The following LRRC7 variants were observed in gnomAD, a reference collection of about 807,000 sequenced individuals.
The protein encoded by LRRC7 is leucine-rich repeat-containing protein 7.
Under a neutral mutation model 175.7 loss-of-function variants are expected in LRRC7, and 23 were observed. That is an observed-to-expected ratio of 0.13 (90% CI 0.09 to 0.19). The LOEUF (loss-of-function observed/expected upper bound fraction) is 0.19, where lower values mean the gene tolerates loss of function less well. Ranked by LOEUF, LRRC7 falls within the 10% of genes least tolerant of loss-of-function variation. The pLI, the probability that LRRC7 is intolerant of heterozygous loss-of-function variation, is 1.00. For synonymous variants in LRRC7, 685 were observed against 680.9 expected (o/e 1.01, Z -0.09); for missense variants, 1,354 against 1,904.7 (o/e 0.71, Z 5.38).
rs529601375 is a variant in LRRC7, at chr1:70,103,005, A to C, written c.4546-4747A>C. On this transcript the variant is annotated intron_variant, in intron 25 of 26. Coordinates refer to ENST00000651989, the MANE Select transcript of LRRC7 (RefSeq NM_001370785.2). ...GGACTTTGGGAGGCCGAGGTGGGCA[A>C]ATCACTTGAGTTTAGGAGTTCAAGA... 2.6e-5 allele frequency among the ~76,000 whole-genome samples: 4 copies of C among 152,112 alleles called. No homozygotes were observed. In the East Asian group the frequency reaches 7.8e-4, roughly 30 times the overall value.
chr1:70,095,971 GT>G (rs202014971), intron 25 of LRRC7, among the ~76,000 whole-genome samples: 12 of 149,614 alleles, frequency 8.0e-5, no homozygotes, highest in Non-Finnish European at 1.5e-4. Context: ...TGTTTTTTTT[GT>G]TTTTTTTTGT....
intron 3 of LRRC7, among the ~76,000 whole-genome samples, chr1:69,762,810 A>T (rs912125891): frequency 1.8e-4 from 27 of 152,038 alleles, no homozygotes; most frequent in African/African-American, 6.5e-4. Context: ...ATATAAGTAC[A>T]CCAAAGACTT....
intron 26 of LRRC7, among the ~76,000 whole-genome samples, chr1:70,115,576 T>C (rs1215651701): frequency 6.6e-6 from 1 of 152,220 alleles, no homozygotes; most frequent in East Asian, 1.9e-4. Flanking sequence ...CTAATTTATT[T>C]ATTTACCTGG....
At chr1:69,782,348 G>T (rs1557722028) in intron 3 of LRRC7, among the ~76,000 whole-genome samples, 1 of 152,182 alleles carries the variant, frequency 6.6e-6, no homozygotes, top group Non-Finnish European at 1.5e-5. Context: ...ACAAAACTCA[G>T]ACATCCATGT....
chr1:69,799,371 C>G (rs1049400355), intron 4 of LRRC7, among the ~76,000 whole-genome samples: 5 of 151,922 alleles, frequency 3.3e-5, no homozygotes, highest in African/African-American at 1.2e-4. Flanking sequence ...ACCTTACCAC[C>G]CTTCTGAGTC....
chr1:69,611,464 A>T (rs1158691197), intron 1 of LRRC7, among the ~76,000 whole-genome samples: 2 of 152,070 alleles, frequency 1.3e-5, no homozygotes, highest in Non-Finnish European at 2.9e-5. Flanking sequence ...GTACCGAGTC[A>T]TTGCTCTTAG....
chr1:69,796,791 T>C (rs868025083), intron 4 of LRRC7, among the ~76,000 whole-genome samples: 2 of 150,762 alleles, frequency 1.3e-5, no homozygotes, highest in Admixed American at 1.3e-4. Context: ...CGAAACTCCA[T>C]CTCAAAAAAA....
chr1:69,571,134 C>A (rs1278688887), intron 1 of LRRC7, among the ~76,000 whole-genome samples: 1 of 152,174 alleles, frequency 6.6e-6, no homozygotes, highest in Non-Finnish European at 1.5e-5. Flanking sequence ...GTTCTTTATA[C>A]ATTTTTAAGA....
chr1:69,820,828 G>A (rs1431145600), intron 4 of LRRC7, among the ~76,000 whole-genome samples: 1 of 152,166 alleles, frequency 6.6e-6, no homozygotes, highest in Non-Finnish European at 1.5e-5. Flanking sequence ...ACATAGATGT[G>A]CATGTGTCTT....
chr1:69,892,046 C>T (rs1397524507), intron 7 of LRRC7, among the ~76,000 whole-genome samples: 1 of 152,114 alleles, frequency 6.6e-6, no homozygotes, highest in Admixed American at 6.5e-5. Flanking sequence ...ACAATGTATA[C>T]ATATATTGAA....
intron 2 of LRRC7, among the ~76,000 whole-genome samples, chr1:69,690,174 A>T (rs560840959): frequency 1.3e-5 from 2 of 152,120 alleles, no homozygotes; most frequent in African/African-American, 4.8e-5. Context: ...ATAGGATATA[A>T]TTTTTTTAAA....
intron 1 of LRRC7, among the ~76,000 whole-genome samples, chr1:69,669,111 C>A (rs1277823288): frequency 6.6e-6 from 1 of 152,032 alleles, no homozygotes; most frequent in Non-Finnish European, 1.5e-5. Flanking sequence ...AGTTTATACA[C>A]CGCAGTTACA....
intron 8 of LRRC7, among the ~76,000 whole-genome samples, chr1:69,940,814 A>G (rs1194007127): frequency 6.6e-6 from 1 of 152,166 alleles, no homozygotes; most frequent in Admixed American, 6.6e-5. Context: ...CTTCATTTAT[A>G]TGCTGAAATG....
chr1:70,040,806 T>C (rs1478779196), intron 21 of LRRC7, among the ~76,000 whole-genome samples: 2 of 151,840 alleles, frequency 1.3e-5, no homozygotes, highest in African/African-American at 4.8e-5. Context: ...AAAGTGAGAC[T>C]CTGTCTTGGG....
chr1:69,672,383 A>C (rs1200631289), intron 1 of LRRC7, among the ~76,000 whole-genome samples: 1 of 152,230 alleles, frequency 6.6e-6, no homozygotes, highest in Non-Finnish European at 1.5e-5. Flanking sequence ...CCATCATTGC[A>C]GAAAGTTCTA....
At chr1:69,914,875 C>G (rs1168949063) in intron 7 of LRRC7, among the ~76,000 whole-genome samples, 1 of 152,062 alleles carries the variant, frequency 6.6e-6, no homozygotes. Context: ...GAGCCTGAAA[C>G]ATTTGCAATG....
At chr1:69,616,532 A>G (rs1649649426) in intron 1 of LRRC7, among the ~76,000 whole-genome samples, 1 of 152,102 alleles carries the variant, frequency 6.6e-6, no homozygotes, top group East Asian at 1.9e-4. Context: ...TTATTATATT[A>G]TAGAAAGCTT....
chr1:69,672,246 A>T (rs1452323301), intron 1 of LRRC7, among the ~76,000 whole-genome samples: 1 of 148,640 alleles, frequency 6.7e-6, no homozygotes, highest in Non-Finnish European at 1.5e-5. Context: ...TCTACTTAAT[A>T]CATTTTTTTA....
chr1:70,013,478 A>G (rs1394518986), intron 13 of LRRC7, among the ~76,000 whole-genome samples: 1 of 151,950 alleles, frequency 6.6e-6, no homozygotes, highest in Non-Finnish European at 1.5e-5. Context: ...TCACGTCTAT[A>G]TTTTGGTTTC....
Sources: allele counts gnomAD v4.1 joint callset (sites outside exome capture counted in the v4.1 genomes callset), GRCh38; gene constraint gnomAD v4.1.1; transcripts MANE v1.5; gene names NCBI Gene and HGNC (gene_info 2026-07-23, HGNC 2026-07-21).